Variants in FBXL13 observed in about 807,000 individuals in gnomAD.
FBXL13 encodes F-box and leucine rich repeat protein 13, also known as F-box and leucine-rich repeat protein 13.
A neutral mutation model predicts 83.6 loss-of-function variants in FBXL13; 67 were observed. That is an observed-to-expected ratio of 0.80 (90% CI 0.66 to 0.98). The LOEUF (loss-of-function observed/expected upper bound fraction) is 0.98. FBXL13 is among the 50% of genes least tolerant of loss of function. The pLI is 0.00. For synonymous variants in FBXL13, 272 were observed against 299.5 expected, an observed-to-expected ratio of 0.91 and a Z score of 0.95; for missense variants, 822 against 866.5, an observed-to-expected ratio of 0.95 and a Z score of 0.64.
intron 8 of FBXL13, among the ~76,000 whole-genome samples, chr7:102,952,310 C>T (rs567828805): frequency 6.6e-6 from 1 of 152,200 alleles, no homozygotes; most frequent in African/African-American, 2.4e-5. Flanking sequence ...ATACTTAATG[C>T]TACAGAACTG....
chr7:103,004,515 G>T (rs1416529390), intron 6 of FBXL13, among the ~76,000 whole-genome samples: 1 of 152,158 alleles, frequency 6.6e-6, no homozygotes, highest in South Asian at 2.1e-4. Context: ...GGCTGGGGTT[G>T]CTCTTTGTCT....
chr7:103,028,626 A>G (rs895377577), exon 4 of FBXL13: 17 of 1,593,900 alleles, frequency 1.1e-5, no homozygotes, highest in Non-Finnish European at 1.5e-5. Flanking sequence ...CTGGTCTTCC[A>G]TATAAGAGTG....
rs114671128 is a variant in FBXL13, at chr7:102,902,624, T to C, written c.1008+10462A>G. Among the ~76,000 whole-genome samples the C allele has an allele frequency of 3.7e-3, 569 of 152,082 alleles. 5 individuals carry two copies. The highest frequency in any genetic ancestry group is 0.014 in the African/African-American group (562 of 41,556). ...TTGATTTTTGCATACATTATGTATA[T>C]AGTGTTATTCTTCTCCATATGGATA... On this transcript the variant is annotated intron_variant, in intron 11 of 19. Coordinates refer to ENST00000313221, the Ensembl canonical transcript of FBXL13.
At position 102,906,125 on chromosome 7, in the gene FBXL13, T is replaced by C. The variant is rs554996566; in HGVS notation, c.1008+6961A>G. Among the ~76,000 whole-genome samples the C allele has an allele frequency of 4.6e-5, 7 of 152,262 alleles. No individual in the cohort carries two copies. In the East Asian group the frequency reaches 1.4e-3, roughly 29 times the overall value. On this transcript the variant is annotated intron_variant, in intron 11 of 19. Transcript: ENST00000313221. ...ATAAAACCATCAGATCTTGTGAGAC[T>C]TATTCACTATCATGAGAACAGCATG...
chr7:102,995,779 C>G (rs1789710261), intron 6 of FBXL13, among the ~76,000 whole-genome samples: 2 of 69,276 alleles, frequency 2.9e-5, no homozygotes, highest in South Asian at 9.2e-4. Flanking sequence ...GAGCAAGACT[C>G]TGTCTAAATA....
At position 102,875,093 on chromosome 7, in the gene FBXL13, G is replaced by T. The variant is rs1443095300; in HGVS notation, c.1635+2374C>A. 2.0e-5 allele frequency among the ~76,000 whole-genome samples: 3 copies of T among 152,220 alleles called. No homozygotes were observed. The East Asian group carries it at 5.8e-4, about 29-fold the overall frequency. On this transcript the variant is annotated intron_variant, in intron 16 of 19. Transcript: ENST00000313221. ...AATGTGCTTTGATTCTCTACTTCTT[G>T]TCACTCTGTGACCCTTCAGACAACA...
In FBXL13 at chr7:103,046,118, T is replaced by G. The variant is rs149833485; in HGVS notation, c.-1+9526A>C. Among the ~76,000 whole-genome samples the G allele has an allele frequency of 3.7e-3, 559 of 152,282 alleles. 4 individuals are homozygous for G. The highest frequency in any genetic ancestry group is 0.013 in the African/African-American group (552 of 41,550). ...CCGAACCACCTAAAATTAAATAGAT[T>G]AAAGAATGAGCTGGATAAAGAGTCT... On this transcript the variant is annotated intron_variant, in intron 2 of 19. Transcript: ENST00000313221.
chr7:103,034,535 G>T (rs1020692369), intron 2 of FBXL13, among the ~76,000 whole-genome samples: 4 of 152,198 alleles, frequency 2.6e-5, no homozygotes, highest in African/African-American at 9.6e-5. Flanking sequence ...CGGAACTCCC[G>T]CTGGCCCGCA....
chr7:102,811,428 T>C (rs528483903), downstream of FBXL13, among the ~76,000 whole-genome samples: 1 of 152,386 alleles, frequency 6.6e-6, no homozygotes, highest in East Asian at 1.9e-4. Context: ...CTTGGTCTCC[T>C]TTCATAGCTC....
intron 1 of FBXL13, among the ~76,000 whole-genome samples, chr7:103,063,359 G>T (rs1798101560): frequency 6.6e-6 from 1 of 152,120 alleles, no homozygotes; most frequent in Non-Finnish European, 1.5e-5. Flanking sequence ...TTAGATATAA[G>T]TAATCTAAAG....
At chr7:102,867,695 A>ATTTTTTTTTT (rs1205859622) in intron 16 of FBXL13, among the ~76,000 whole-genome samples, 1 of 49,078 alleles carries the variant, frequency 2.0e-5, no homozygotes, top group African/African-American at 1.2e-4. Flanking sequence ...ATATATATAT[A>ATTTTTTTTTT]TTTTTTTTTT....
At chr7:102,970,865 A>G (rs1006628754) in intron 6 of FBXL13, among the ~76,000 whole-genome samples, 2 of 152,228 alleles carry the variant, frequency 1.3e-5, no homozygotes, top group African/African-American at 2.4e-5. Flanking sequence ...CAACAAATGA[A>G]TATGTACCTG....
chr7:103,056,101 GTT>G (rs1797308472), intron 1 of FBXL13, among the ~76,000 whole-genome samples: 1 of 152,138 alleles, frequency 6.6e-6, no homozygotes, highest in Admixed American at 6.5e-5. Flanking sequence ...AACGTATAAT[GTT>G]TGGTTTTCCA....
chr7:102,833,075 C>T (rs1290653817), intron 17 of FBXL13, 101 bp from the exon 19 acceptor site: 1 of 1,258,528 alleles, frequency 7.9e-7, no homozygotes, highest in Non-Finnish European at 1.1e-6. Flanking sequence ...CCCTGAAATA[C>T]AGATGTTAGA....
intron 11 of FBXL13, among the ~76,000 whole-genome samples, chr7:102,892,823 A>G (rs891968946): frequency 3.9e-5 from 6 of 152,176 alleles, no homozygotes; most frequent in African/African-American, 1.4e-4. Context: ...AATGTCTATC[A>G]TTTCTCTAGA....
At chr7:102,968,052 C>T in exon 7 of FBXL13, 3 of 1,613,900 alleles carry the variant, frequency 1.9e-6, no homozygotes, top group Non-Finnish European at 2.5e-6. Flanking sequence ...GTTGTGTCAT[C>T]AACATCCAGG....
intron 16 of FBXL13, among the ~76,000 whole-genome samples, chr7:102,862,010 A>C (rs1287988778): frequency 1.3e-5 from 2 of 148,246 alleles, no homozygotes; most frequent in Admixed American, 1.3e-4. Flanking sequence ...TCACATCTGC[A>C]TATGTGTGTG....
At chr7:102,935,276 G>C (rs1287671575) in intron 8 of FBXL13, among the ~76,000 whole-genome samples, 1 of 101,652 alleles carries the variant, frequency 9.8e-6, no homozygotes, top group Non-Finnish European at 1.7e-5. Context: ...TTTTGAGATG[G>C]ACTCTCGCTC....
chr7:102,828,084 ATG>A (rs1320407162), intron 18 of FBXL13, among the ~76,000 whole-genome samples: 1 of 152,138 alleles, frequency 6.6e-6, no homozygotes, highest in African/African-American at 2.4e-5. Context: ...TTGGTTCCAT[ATG>A]AACTTTAAAG....
Sources: gnomAD v4.1 joint callset for allele counts (sites outside exome capture counted in the v4.1 genomes callset) on GRCh38, gnomAD v4.1.1 for gene constraint, MANE v1.5 for transcripts, NCBI Gene and HGNC (gene_info 2026-07-23, HGNC 2026-07-21) for gene names.